The following TAF8 variants were observed in gnomAD, a reference collection of about 807,000 sequenced individuals.
TAF8 encodes TATA-box binding protein associated factor 8, also known as transcription initiation factor TFIID subunit 8.
Under a neutral mutation model 36.5 loss-of-function variants are expected in TAF8, and 47 were observed. The observed-to-expected ratio is 1.29, with a 90% CI of 1.02 to 1.64. The LOEUF is 1.64. TAF8 is among the 40% of genes most tolerant of loss of function. The pLI, the probability that TAF8 is intolerant of heterozygous loss-of-function variation, is 0.00. For missense variants in TAF8, 420 were observed against 407.6 expected, an observed-to-expected ratio of 1.03 and a Z score of -0.26; for synonymous variants, 175 against 159.5, an observed-to-expected ratio of 1.10 and a Z score of -0.73.
At position 42,078,280 on chromosome 6, in the gene TAF8, C is replaced by T; in HGVS notation, c.*735C>T. ...ATCACAGGATTTGATTCCTTTGAAACTCAAGAGACCAGGGAAAGTGACAGG... is the reference window on the plus strand; with the variant it reads ...ATCACAGGATTTGATTCCTTTGAAATTCAAGAGACCAGGGAAAGTGACAGG... On this transcript the variant is annotated 3_prime_UTR_variant, in exon 9 of 9. Transcript: ENST00000372977. 1.0e-6 allele frequency: 1 copy of T among 985,486 alleles called. No homozygotes were observed. Among genetic ancestry groups the T allele is most frequent in the Non-Finnish European group, 1.2e-6 (1 of 829,958 alleles). 61.0% of individuals were successfully genotyped at this position (985,486 alleles called of 1,614,324 possible).
chr6:42,081,884 C>A lies in TAF8; in HGVS notation c.*4339C>A, dbSNP rs1173257007. ...GTGTCTATACGTATCTCTGATTGAT[C>A]TTTCTTTAAATTTTAATTTTGGAAT... On this transcript the variant is annotated 3_prime_UTR_variant, in exon 9 of 9. Coordinates refer to ENST00000372977, the MANE Select transcript of TAF8 (RefSeq NM_138572.3). The A allele has an allele frequency of 6.6e-6, 1 of 152,190 alleles. No homozygotes were observed. The highest frequency in any genetic ancestry group is 2.4e-5 in the African/African-American group (1 of 41,446). The allele number at this position is 152,190 out of a possible 1,614,324, so 9.4% of individuals were successfully genotyped here. A position where few individuals can be genotyped will look rare whatever the true frequency, so the allele number is the denominator to read the frequency against.
rs755786579 is a variant in TAF8 at position 42,051,361 on chromosome 6, C to T, written c.50C>T (p.Ser17Leu). 1.2e-6 allele frequency: 2 copies of T among 1,611,568 alleles called. No homozygotes were observed. Among genetic ancestry groups the T allele is most frequent in the Non-Finnish European group, 1.7e-6 (2 of 1,178,008 alleles). Residue 17 changes from serine (S) to leucine (L), a missense_variant, in exon 2 of 9, where the codon TCG (serine) becomes TTG (leucine). Coordinates refer to ENST00000372977, the MANE Select transcript of TAF8 (RefSeq NM_138572.3). ...AATCTCTCTGCTGATTCACAGAGATCGGGAAGTAAACAGTCCACTAACCCT... is the reference window on the plus strand; with the variant it reads ...AATCTCTCTGCTGATTCACAGAGATTGGGAAGTAAACAGTCCACTAACCCT... ...TAGAGGSGTR[S>L]GSKQSTNPAD...
chr6:42,055,473 C>G (rs1328752768), intron 2 of TAF8, 58 bp from the exon 3 acceptor site: 4 of 1,208,870 alleles, frequency 3.3e-6, no homozygotes, highest in Non-Finnish European at 4.9e-6. Context: ...TCTGGTAATT[C>G]TATGTTTAAC....
chr6:42,072,147 G>T (rs1231593829), intron 7 of TAF8, among the ~76,000 whole-genome samples: 1 of 152,216 alleles, frequency 6.6e-6, no homozygotes, highest in African/African-American at 2.4e-5. Context: ...GCGTGAGACA[G>T]AGCTGGTATC....
chr6:42,064,088 C>T (rs1173935568), intron 5 of TAF8, among the ~76,000 whole-genome samples: 2 of 151,990 alleles, frequency 1.3e-5, no homozygotes, highest in African/African-American at 4.8e-5. Context: ...TTTTCATCCT[C>T]ATTTACTCAT....
chr6:42,068,184 G>A (rs773305264), intron 6 of TAF8, among the ~76,000 whole-genome samples: 2 of 152,172 alleles, frequency 1.3e-5, no homozygotes, highest in Non-Finnish European at 2.9e-5. Flanking sequence ...CTGAAGTCAT[G>A]CTGCTTGAGT....
At chr6:42,060,038 A>G (rs1008935690) in intron 5 of TAF8, among the ~76,000 whole-genome samples, 3 of 152,202 alleles carry the variant, frequency 2.0e-5, no homozygotes, top group Admixed American at 6.5e-5. Context: ...CTAGGCGTTC[A>G]TGGCTTGCAT....
At chr6:42,059,791 G>T (rs1302497879) in intron 5 of TAF8, among the ~76,000 whole-genome samples, 4 of 152,216 alleles carry the variant, frequency 2.6e-5, no homozygotes, top group Admixed American at 2.6e-4. Flanking sequence ...GATGGAGTCA[G>T]TTAAGTTAGA....
chr6:42,086,001 C>A (rs148984367), downstream of TAF8, among the ~76,000 whole-genome samples: 2,698 of 152,202 alleles, frequency 0.018, 46 homozygotes, highest in Middle Eastern at 0.054. Flanking sequence ...AAAGAGAGAG[C>A]TGCCTCTCCC....
At chr6:42,077,054 T>C in intron 7 of TAF8, 46 bp from the exon 8 acceptor site, 1 of 1,576,004 alleles carries the variant, frequency 6.3e-7, no homozygotes, top group African/African-American at 1.4e-5. Context: ...ATGATCTCTT[T>C]CCTTATGCTG....
At chr6:42,071,541 G>A (rs1160839997) in intron 7 of TAF8, 1 of 155,866 alleles carries the variant, frequency 6.4e-6, no homozygotes, top group East Asian at 1.9e-4. Flanking sequence ...GGTCACGCTG[G>A]TCTTGAACTC....
chr6:42,087,094 A>G (rs12524651), downstream of TAF8: 38,766 of 345,942 alleles, frequency 0.11, 2,606 homozygotes, highest in Admixed American at 0.19. Context: ...CTCTGGCTTC[A>G]CAGAATGCTC....
rs79179781 is a variant in TAF8 at position 42,058,306 on chromosome 6, G to T, written c.489+793G>T. 3.8e-3 allele frequency among the ~76,000 whole-genome samples: 575 copies of T among 152,166 alleles called. 21 individuals are homozygous for T. The East Asian group carries it at 0.1, about 27-fold the overall frequency. Reference sequence around the variant, plus strand: ...GGCTGAGGCAGGAGAATCTAACCTGGGAGACAGAGGTTGCAGTGAGCTGAG... The same window carrying T: ...GGCTGAGGCAGGAGAATCTAACCTGTGAGACAGAGGTTGCAGTGAGCTGAG... On this transcript the variant is annotated intron_variant, in intron 5 of 8. Transcript: ENST00000372977.
intron 7 of TAF8, among the ~76,000 whole-genome samples, chr6:42,074,694 C>A (rs1050732211): frequency 6.6e-6 from 1 of 152,140 alleles, no homozygotes; most frequent in African/African-American, 2.4e-5. Context: ...ACCACCATGC[C>A]CGGCTGATTT....
chr6:42,079,972 A>G lies in TAF8; in HGVS notation c.*2427A>G. On this transcript the variant is annotated 3_prime_UTR_variant, in exon 9 of 9. Transcript: ENST00000372977. ...CTGTGTAAGGAAAGAGCTGCTTGTC[A>G]GGAACGGAAGAGGGGACGCTAGTAA... 1 of 982,158 alleles carries G rather than the reference A, an allele frequency of 1.0e-6. No individual in the cohort carries two copies. The highest frequency in any genetic ancestry group is 1.2e-6 in the Non-Finnish European group (1 of 829,298). 60.8% of individuals were successfully genotyped at this position (982,158 alleles called of 1,614,324 possible). A position where few individuals can be genotyped will look rare whatever the true frequency, so the allele number is the denominator to read the frequency against.
chr6:42,071,394 T>C (rs9381128), intron 7 of TAF8: 6,773 of 184,086 alleles, frequency 0.037, 374 homozygotes, highest in East Asian at 0.25. Flanking sequence ...GGCAAGATCT[T>C]GGCTCACTGC....
At chr6:42,057,685 C>T (rs1030798718) in intron 5 of TAF8, 172 bp downstream of exon 5, 46 of 829,324 alleles carry the variant, frequency 5.5e-5, no homozygotes, top group Admixed American at 6.2e-5. Context: ...TTTAGGAGGC[C>T]GAGGCAGGAG....
chr6:42,086,571 G>A (rs1030251908), downstream of TAF8: 8 of 811,106 alleles, frequency 9.9e-6, no homozygotes, highest in African/African-American at 8.5e-5. Flanking sequence ...CTCCTGGGGA[G>A]AAACAAACCT....
At chr6:42,061,792 C>T (rs2127454841) in intron 5 of TAF8, among the ~76,000 whole-genome samples, 1 of 152,106 alleles carries the variant, frequency 6.6e-6, no homozygotes, top group South Asian at 2.1e-4. Flanking sequence ...TTTAGAGGAC[C>T]TAATATCTAA....
Sources: allele counts gnomAD v4.1 joint callset (sites outside exome capture counted in the v4.1 genomes callset), GRCh38; gene constraint gnomAD v4.1.1; transcripts MANE v1.5; gene names NCBI Gene and HGNC (gene_info 2026-07-23, HGNC 2026-07-21).